GFRA1: variants seen among roughly 807,000 people sequenced by gnomAD.
The protein encoded by GFRA1 is GDNF family receptor alpha 1.
A neutral mutation model predicts 51.6 loss-of-function variants in GFRA1; 16 were observed. The ratio of observed to expected loss-of-function variants is 0.31; its 90% CI spans 0.21 to 0.47. The LOEUF (loss-of-function observed/expected upper bound fraction) is 0.47, where lower values mean the gene tolerates loss of function less well. Ranked by LOEUF, GFRA1 falls within the 20% of genes least tolerant of loss-of-function variation. GFRA1 has a pLI of 1.00. For synonymous variants in GFRA1, 270 were observed against 241.3 expected, an observed-to-expected ratio of 1.12 and a Z score of -1.10; for missense variants, 530 against 594.3, an observed-to-expected ratio of 0.89 and a Z score of 1.13.
intron 4 of GFRA1, among the ~76,000 whole-genome samples, chr10:116,237,695 G>T (rs1415156490): frequency 6.6e-6 from 1 of 151,942 alleles, no homozygotes; most frequent in African/African-American, 2.4e-5. Context: ...TGTCAAAGCA[G>T]TAGAACAAAG....
chr10:116,154,385 A>T (rs1195917105), intron 5 of GFRA1, among the ~76,000 whole-genome samples: 1 of 152,258 alleles, frequency 6.6e-6, no homozygotes, highest in Non-Finnish European at 1.5e-5. Flanking sequence ...AGCAATTAAA[A>T]TTAACAAATT....
chr10:116,105,017 G>A (rs1366435612), intron 6 of GFRA1, among the ~76,000 whole-genome samples: 8 of 152,144 alleles, frequency 5.3e-5, no homozygotes, highest in South Asian at 2.1e-4. Context: ...GCTGCATCAC[G>A]AAATCAAATA....
chr10:116,132,515 A>G (rs145250682), intron 5 of GFRA1, among the ~76,000 whole-genome samples: 2 of 152,246 alleles, frequency 1.3e-5, no homozygotes, highest in African/African-American at 2.4e-5. Context: ...CTCTTTTCAA[A>G]AAGTTTCACA....
intron 4 of GFRA1, among the ~76,000 whole-genome samples, chr10:116,242,227 T>A (rs1313589447): frequency 6.6e-6 from 1 of 152,224 alleles, no homozygotes; most frequent in East Asian, 1.9e-4. Context: ...GATGCGCATA[T>A]TTAGGGAGAC....
chr10:116,116,329 G>T (rs995044467), intron 6 of GFRA1, among the ~76,000 whole-genome samples: 4 of 152,228 alleles, frequency 2.6e-5, no homozygotes, highest in African/African-American at 9.6e-5. Context: ...AAGGCAGGAA[G>T]GTGAAACACC....
chr10:116,135,542 T>C lies in GFRA1; in HGVS notation c.434-9985A>G, dbSNP rs192516540. ...GCACAATTTAGTTATTTCTAAAATATGCATGTCTCCCATTAAAAAGATATT... is the reference window on the plus strand; with the variant it reads ...GCACAATTTAGTTATTTCTAAAATACGCATGTCTCCCATTAAAAAGATATT... On this transcript the variant is annotated intron_variant, in intron 5 of 10. Coordinates refer to ENST00000355422, the MANE Select transcript of GFRA1 (RefSeq NM_005264.8). Among the ~76,000 whole-genome samples the C allele has an allele frequency of 2.4e-4, 37 of 152,354 alleles. No homozygotes were observed. The South Asian group carries it at 3.3e-3, about 14-fold the overall frequency.
chr10:116,130,285 TAA>T (rs1205539415), intron 5 of GFRA1, among the ~76,000 whole-genome samples: 1 of 152,018 alleles, frequency 6.6e-6, no homozygotes, highest in African/African-American at 2.4e-5. Flanking sequence ...TTAACAACTT[TAA>T]AAAGACAACT....
In GFRA1 at chr10:116,093,905, A is replaced by C. The variant is rs564796054; in HGVS notation, c.881-69T>G. The C allele has an allele frequency of 1.8e-5, 27 of 1,470,372 alleles. No homozygotes were observed. The African/African-American group carries it at 3.6e-4, about 20-fold the overall frequency. The allele number at this position is 1,470,372 out of a possible 1,614,324, so 91.1% of individuals were successfully genotyped here. ...CTTTTCCATGGCCTAAAAAGAAACC[A>C]ATATTCCTCTGACGGCGGATGCACC... On this transcript the variant is annotated intron_variant, in intron 7 of 10. Transcript: ENST00000355422.
intron 5 of GFRA1, among the ~76,000 whole-genome samples, chr10:116,170,832 AG>A (rs1389000646): frequency 2.0e-5 from 3 of 152,214 alleles, no homozygotes; most frequent in African/African-American, 4.8e-5. Context: ...TTCCCCTAAA[AG>A]CTTATCTGTT....
intron 7 of GFRA1, among the ~76,000 whole-genome samples, chr10:116,095,914 A>C (rs1956550206): frequency 6.6e-6 from 1 of 151,958 alleles, no homozygotes; most frequent in Non-Finnish European, 1.5e-5. Flanking sequence ...CCCTGCCACC[A>C]AGGCTTCTGC....
At chr10:116,265,785 C>G (rs1040206186) in intron 4 of GFRA1, among the ~76,000 whole-genome samples, 1 of 152,134 alleles carries the variant, frequency 6.6e-6, no homozygotes, top group South Asian at 2.1e-4. Context: ...CCGACATCCT[C>G]TTGCACCGGC....
chr10:116,065,044 G>A (rs1213290062), intron 10 of GFRA1, among the ~76,000 whole-genome samples: 1 of 152,124 alleles, frequency 6.6e-6, no homozygotes, highest in Non-Finnish European at 1.5e-5. Flanking sequence ...CAGCACAGCT[G>A]TCCTTCCCCA....
chr10:116,087,287 G>A (rs1956141922), intron 9 of GFRA1, among the ~76,000 whole-genome samples: 3 of 152,206 alleles, frequency 2.0e-5, no homozygotes, highest in South Asian at 4.2e-4. Context: ...GGAGGGACAG[G>A]GGGCGGTGTG....
chr10:116,253,829 C>T (rs374630352), intron 4 of GFRA1, among the ~76,000 whole-genome samples: 1 of 152,048 alleles, frequency 6.6e-6, no homozygotes, highest in Non-Finnish European at 1.5e-5. Flanking sequence ...GGCAATAAGC[C>T]GGGGTAGCAT....
intron 5 of GFRA1, among the ~76,000 whole-genome samples, chr10:116,126,200 AC>A (rs1455522643): frequency 5.2e-4 from 79 of 152,324 alleles, no homozygotes; most frequent in African/African-American, 1.9e-3. Context: ...CACTTAACTC[AC>A]CACAGACAAC....
intron 4 of GFRA1, among the ~76,000 whole-genome samples, chr10:116,233,953 C>T (rs549240803): frequency 6.6e-6 from 1 of 152,330 alleles, no homozygotes; most frequent in Non-Finnish European, 1.5e-5. Flanking sequence ...ATATCGGGAA[C>T]AGGCAGCTGC....
At chr10:116,093,553 AAGAC>A (rs113789077) in intron 8 of GFRA1, 145 bp downstream of exon 8, 36 of 736,492 alleles carry the variant, frequency 4.9e-5, no homozygotes, top group African/African-American at 1.7e-4. Context: ...GAAAGGGAGA[AAGAC>A]AGACAGAGAG....
In GFRA1 at chr10:116,065,565, A is replaced by ATACT. The variant is rs774589269; in HGVS notation, c.1251+4_1251+7dup. The ATACT allele has an allele frequency of 1.2e-6, 2 of 1,610,344 alleles. No homozygotes were observed. The highest frequency in any genetic ancestry group is 1.7e-6 in the Non-Finnish European group (2 of 1,176,598). On this transcript the variant is annotated splice_region_variant and intron_variant, in intron 10 of 10. Transcript: ENST00000355422. ...AATGCACGAAGCCTCCAAAAGAAAC[A>ATACT]TACTTACATTGGAAATACAGAGGTG...
At chr10:116,109,844 GC>G (rs1957139191) in intron 6 of GFRA1, among the ~76,000 whole-genome samples, 1 of 152,144 alleles carries the variant, frequency 6.6e-6, no homozygotes, top group African/African-American at 2.4e-5. Flanking sequence ...CCAATGTCAG[GC>G]CAAATCCCAA....
Sources: allele counts gnomAD v4.1 joint callset (sites outside exome capture counted in the v4.1 genomes callset), GRCh38; gene constraint gnomAD v4.1.1; transcripts MANE v1.5; gene names NCBI Gene and HGNC (gene_info 2026-07-23, HGNC 2026-07-21).